Variants in TRANK1 observed in about 807,000 individuals in gnomAD.
TRANK1 encodes tetratricopeptide repeat and ankyrin repeat containing 1.
A neutral mutation model predicts 266.0 loss-of-function variants in TRANK1; 198 were observed. That is an observed-to-expected ratio of 0.74 (90% CI 0.66 to 0.84). The LOEUF (loss-of-function observed/expected upper bound fraction) is 0.84. Ranked by LOEUF, TRANK1 falls within the 40% of genes least tolerant of loss-of-function variation. TRANK1 has a pLI of 0.00. For synonymous variants in TRANK1, 1,396 were observed against 1,384.1 expected (o/e 1.01, Z -0.19); for missense variants, 3,326 against 3,634.6 (o/e 0.92, Z 2.18).
chr3:36,833,317 T>C lies in TRANK1; in HGVS notation c.6266A>G (p.Glu2089Gly). ...KILGLAPGGL[E>G]ILLSLVRALK... ...AGCCCTGACCAGACTGAGGAGGATT[T>C]CCAAGCCCCCTGGAGCCAGGCCCAG... Residue 2089 changes from glutamate (E) to glycine (G), a missense_variant, in exon 22 of 24, where the codon GAA becomes GGA. Coordinates refer to ENST00000645898, the MANE Select transcript of TRANK1 (RefSeq NM_001329998.2). The C allele has an allele frequency of 6.2e-7, 1 of 1,614,010 alleles. No homozygotes were observed. Among genetic ancestry groups the C allele is most frequent in the Non-Finnish European group, 8.5e-7 (1 of 1,179,890 alleles).
At chr3:36,914,020 T>C (rs2080091114) in intron 1 of TRANK1, among the ~76,000 whole-genome samples, 1 of 152,222 alleles carries the variant, frequency 6.6e-6, no homozygotes, top group Non-Finnish European at 1.5e-5. Flanking sequence ...AGCTCCGAAC[T>C]GTTTTTGTAA....
Position 36,899,144 on chromosome 3 carries a change from G to A in TRANK1, c.398C>T (p.Ala133Val). 6.5e-7 allele frequency: 1 copy of A among 1,537,260 alleles called. No individual in the cohort carries two copies. Among genetic ancestry groups the A allele is most frequent in the Non-Finnish European group, 8.7e-7 (1 of 1,146,924 alleles). Residue 133 changes from alanine to valine, a missense_variant, in exon 4 of 24, where the codon GCT becomes GTT. Transcript: ENST00000645898. ...GGTGAAGACTCCAACAAGGAAATCA[G>A]CAACCGGTGCCTGGTCTTGGCTTCT... ...VQRSQDQAPV[A>V]DFLVGVFTTM...
intron 5 of TRANK1, among the ~76,000 whole-genome samples, chr3:36,893,831 G>A (rs148943852): frequency 1.3e-5 from 2 of 152,182 alleles, no homozygotes; most frequent in African/African-American, 4.8e-5. Context: ...TAGGACCACA[G>A]GAACTGAGCC....
At chr3:36,868,447 G>A (rs936532656) in intron 9 of TRANK1, among the ~76,000 whole-genome samples, 2 of 152,154 alleles carry the variant, frequency 1.3e-5, no homozygotes, top group Non-Finnish European at 2.9e-5. Context: ...ATAGTCAGAA[G>A]TAATAGAAAA....
At chr3:36,866,261 C>T (rs2079226319) in intron 9 of TRANK1, among the ~76,000 whole-genome samples, 1 of 152,090 alleles carries the variant, frequency 6.6e-6, no homozygotes, top group Non-Finnish European at 1.5e-5. Context: ...GAGCCTGGCC[C>T]AGAGTAGCAC....
chr3:36,940,178 C>A (rs1032744759), intron 1 of TRANK1, among the ~76,000 whole-genome samples: 1 of 151,812 alleles, frequency 6.6e-6, no homozygotes, highest in African/African-American at 2.4e-5. Context: ...ACCCACCGCG[C>A]CTGGCCCACC....
chr3:36,933,036 CCTTT>C (rs1199225110), intron 1 of TRANK1, among the ~76,000 whole-genome samples: 1 of 151,428 alleles, frequency 6.6e-6, no homozygotes, highest in Admixed American at 6.6e-5. Flanking sequence ...TTTTTTTCTT[CCTTT>C]CTGTCTTTGT....
chr3:36,895,241 C>G (rs1469655729), intron 5 of TRANK1, among the ~76,000 whole-genome samples: 5 of 152,156 alleles, frequency 3.3e-5, no homozygotes, highest in Non-Finnish European at 7.4e-5. Flanking sequence ...AGCCACTACC[C>G]AAATGTTAGC....
chr3:36,860,401 C>T (rs1303620867), intron 11 of TRANK1, among the ~76,000 whole-genome samples: 1 of 152,142 alleles, frequency 6.6e-6, no homozygotes, highest in African/African-American at 2.4e-5. Context: ...AGACACACAC[C>T]CAGCCACGCA....
chr3:36,879,571 T>TATAAATATACAAATATAG (rs1172220655), intron 8 of TRANK1, among the ~76,000 whole-genome samples: 3 of 105,516 alleles, frequency 2.8e-5, no homozygotes, highest in African/African-American at 4.5e-5. Flanking sequence ...TATAAATATA[T>TATAAATATACAAATATAG]AAATATATAT....
chr3:36,856,866 A>G lies in TRANK1; in HGVS notation c.2856T>C (p.Ala952=), dbSNP rs370445049. Residue 952 remains alanine (A), a synonymous_variant, in exon 13 of 24, where the codon GCT becomes GCC. Coordinates refer to ENST00000645898, the MANE Select transcript of TRANK1 (RefSeq NM_001329998.2). ...CATTGCAGATGGCCTTGATGGAATC[A>G]GCCAGTTTGCAGTGATCTAAGACGA... ...WDIVLDHCKL[A]DSIKAICNAY... is the part of the protein sequence containing the mutation. 8.7e-4 allele frequency: 1,410 copies of G among 1,614,062 alleles called. No homozygotes were observed. Among genetic ancestry groups the G allele is most frequent in the Non-Finnish European group, 1.1e-3 (1,248 of 1,179,900 alleles).
chr3:36,925,870 C>T (rs538978022), intron 1 of TRANK1, among the ~76,000 whole-genome samples: 1 of 152,184 alleles, frequency 6.6e-6, no homozygotes, highest in Non-Finnish European at 1.5e-5. Context: ...AGACATGAGC[C>T]ACTGTGCCCG....
intron 8 of TRANK1, among the ~76,000 whole-genome samples, chr3:36,878,885 C>T (rs1014032069): frequency 6.6e-6 from 1 of 151,894 alleles, no homozygotes; most frequent in African/African-American, 2.4e-5. Context: ...CTAGTTTCCT[C>T]ATCTGGATAG....
Position 36,857,501 on chromosome 3 carries a change from GA to G in TRANK1, c.2220del (p.Gln741SerfsTer92). ...AAAGACGGATCCACTTCAACCTGCT[GA>G]ATCAAAACTGTGATGTCCTGCATAA... ...DCLMQDITVL[I>X]QQVEVDPSFP... On this transcript the variant is annotated frameshift_variant, in exon 13 of 24. Transcript: ENST00000645898. LOFTEE classifies it high-confidence loss of function. The surrounding 1 kb of genome is among the most constrained non-coding windows in gnomAD (Gnocchi z 4.3). 6.2e-7 allele frequency: 1 copy of G among 1,613,976 alleles called. No individual in the cohort carries two copies. The highest frequency in any genetic ancestry group is 8.5e-7 in the Non-Finnish European group (1 of 1,179,850).
chr3:36,884,091 T>C (rs1176762908), intron 8 of TRANK1, among the ~76,000 whole-genome samples: 3 of 152,158 alleles, frequency 2.0e-5, no homozygotes, highest in Non-Finnish European at 4.4e-5. Context: ...ATGAACAATA[T>C]TACAAATAAA....
At chr3:36,834,275 A>C (rs1178199054) in intron 21 of TRANK1, 1 of 212,878 alleles carries the variant, frequency 4.7e-6, no homozygotes, top group Non-Finnish European at 9.3e-6. Flanking sequence ...TGGTTCTCAT[A>C]AAAGCATCAT....
chr3:36,940,273 G>A (rs2080479148), intron 1 of TRANK1, among the ~76,000 whole-genome samples: 1 of 151,276 alleles, frequency 6.6e-6, no homozygotes, highest in Non-Finnish European at 1.5e-5. Flanking sequence ...CGAGGCGGGT[G>A]GATCACGAGG....
chr3:36,841,050 T>C (rs1295991670), intron 18 of TRANK1, among the ~76,000 whole-genome samples: 1 of 152,204 alleles, frequency 6.6e-6, no homozygotes, highest in Non-Finnish European at 1.5e-5. Context: ...GGAAATTCCT[T>C]CTCCAGGCAT....
chr3:36,945,330 T>G (rs1437381363), upstream of TRANK1, among the ~76,000 whole-genome samples: 1 of 152,118 alleles, frequency 6.6e-6, no homozygotes, highest in Non-Finnish European at 1.5e-5. Context: ...GTAAAGAAAG[T>G]GATCGGCCAA....
Sources: gnomAD v4.1 joint callset for allele counts (sites outside exome capture counted in the v4.1 genomes callset) on GRCh38, gnomAD v4.1.1 for gene constraint, Gnocchi (gnomAD v3.1) non-coding constraint, MANE v1.5 for transcripts, NCBI Gene and HGNC (gene_info 2026-07-23, HGNC 2026-07-21) for gene names.